CLN8: variants seen among roughly 807,000 people sequenced by gnomAD.
CLN8 encodes protein CLN8.
A neutral mutation model predicts 15.7 loss-of-function variants in CLN8; 14 were observed. The observed-to-expected ratio is 0.89, with a 90% CI of 0.59 to 1.39. The LOEUF is 1.39. CLN8 is among the 40% of genes most tolerant of loss of function. CLN8 has a pLI of 0.00. For missense variants in CLN8, 415 were observed against 364.0 expected (o/e 1.14, Z -1.14); for synonymous variants, 188 against 151.0 (o/e 1.25, Z -1.80).
intron 1 of CLN8, among the ~76,000 whole-genome samples, chr8:1,758,041 A>ATG (rs1563097331): frequency 1.2e-3 from 181 of 151,472 alleles, no homozygotes; most frequent in African/African-American, 4.1e-3. Flanking sequence ...AACACCCAGC[A>ATG]TAGAGATCAC....
At chr8:1,768,664 C>T (rs1383770128) in intron 1 of CLN8, among the ~76,000 whole-genome samples, 2 of 152,082 alleles carry the variant, frequency 1.3e-5, no homozygotes, top group Non-Finnish European at 2.9e-5. Context: ...TGCCTGATAC[C>T]TGTCCTTTCC....
chr8:1,780,144 A>C (rs1413775927), intron 2 of CLN8, 106 bp from the exon 3 acceptor site: 1 of 1,593,586 alleles, frequency 6.3e-7, no homozygotes, highest in Non-Finnish European at 8.5e-7. Flanking sequence ...CTTTGAAATG[A>C]ATTTGTTTTG....
At chr8:1,760,936 T>C (rs926187818), upstream of CLN8, among the ~76,000 whole-genome samples, 1 of 151,816 alleles carries the variant, frequency 6.6e-6, no homozygotes, top group Admixed American at 6.6e-5. Context: ...TGACAAGATC[T>C]AGTACTTGGT....
At chr8:1,770,825 A>G (rs1801267928) in intron 1 of CLN8, 107 bp from the exon 2 acceptor site, 3 of 599,630 alleles carry the variant, frequency 5.0e-6, no homozygotes, top group East Asian at 2.8e-5. Flanking sequence ...TTCATTAAGA[A>G]TAAGGTACAG....
At chr8:1,753,262 T>C (rs902980808), upstream of CLN8, among the ~76,000 whole-genome samples, 1 of 152,072 alleles carries the variant, frequency 6.6e-6, no homozygotes, top group Non-Finnish European at 1.5e-5. Context: ...AGTTCACAGA[T>C]GGTGATTTTG....
Position 1,780,956 on chromosome 8 carries a change from T to C in CLN8, c.*389T>C. On this transcript the variant is annotated 3_prime_UTR_variant, in exon 3 of 3. Coordinates refer to ENST00000331222, the MANE Select transcript of CLN8 (RefSeq NM_018941.4). ...GCGTTGACTCTTTCCAGCTGCACAC[T>C]CATATGCCGTGTGTCTTATTCAGAA... is the stretch of plus-strand genomic sequence containing the variant. 1 of 265,796 alleles carries C rather than the reference T, an allele frequency of 3.8e-6. No homozygotes were observed. The highest frequency in any genetic ancestry group is 7.2e-6 in the Non-Finnish European group (1 of 138,540). 16.5% of individuals were successfully genotyped at this position (265,796 alleles called of 1,614,324 possible). A position where few individuals can be genotyped will look rare whatever the true frequency, so the allele number is the denominator to read the frequency against.
At position 1,763,874 on chromosome 8, in the gene CLN8, G is replaced by C. The variant is rs1800923131; in HGVS notation, c.-135G>C. ...CGCCAAGCGCAGGGAGCCCGGCTGA[G>C]TGGCAGCCCAGGTGAGCGCTCAGGG... On this transcript the variant is annotated 5_prime_UTR_variant, in exon 1 of 3. Transcript: ENST00000331222. 6.6e-6 allele frequency: 1 copy of C among 152,298 alleles called. No individual in the cohort carries two copies. Among genetic ancestry groups the C allele is most frequent in the African/African-American group, 2.4e-5 (1 of 41,248 alleles). 9.4% of individuals were successfully genotyped at this position (152,298 alleles called of 1,614,324 possible).
chr8:1,772,983 G>A (rs1034336504), intron 2 of CLN8: 2 of 398,432 alleles, frequency 5.0e-6, no homozygotes, highest in Non-Finnish European at 8.8e-6. Flanking sequence ...CTTCGGGGTC[G>A]AGGTGGGTAG....
chr8:1,761,012 CTTTTTTTTT>C (rs61327257), upstream of CLN8, among the ~76,000 whole-genome samples: 3 of 67,564 alleles, frequency 4.4e-5, no homozygotes, highest in African/African-American at 6.2e-5. Context: ...CTATAGCCAT[CTTTTTTTTT>C]TTTTTTTTTT....
chr8:1,776,828 C>T (rs1271939570), intron 2 of CLN8, among the ~76,000 whole-genome samples: 1 of 152,210 alleles, frequency 6.6e-6, no homozygotes, highest in Non-Finnish European at 1.5e-5. Flanking sequence ...TTCATTTGGC[C>T]TCAGACTGAG....
At chr8:1,756,158 C>G (rs1800664669) in intron 1 of CLN8, 1 of 152,164 alleles carries the variant, frequency 6.6e-6, no homozygotes, top group African/African-American at 2.4e-5. Context: ...TACTTTGTAA[C>G]ATTCTACCTG....
chr8:1,770,224 T>C (rs1320955635), intron 1 of CLN8, among the ~76,000 whole-genome samples: 2 of 152,236 alleles, frequency 1.3e-5, no homozygotes, highest in East Asian at 3.9e-4. Context: ...GGTAAGATGA[T>C]GCCAACTTGG....
intron 2 of CLN8, among the ~76,000 whole-genome samples, chr8:1,777,575 A>G (rs1192702977): frequency 1.3e-5 from 2 of 152,156 alleles, no homozygotes; most frequent in African/African-American, 4.8e-5. Flanking sequence ...ATATATATAT[A>G]TTCTTTATAC....
At chr8:1,768,933 C>G (rs1469633741) in intron 1 of CLN8, among the ~76,000 whole-genome samples, 1 of 152,166 alleles carries the variant, frequency 6.6e-6, no homozygotes, top group Non-Finnish European at 1.5e-5. Context: ...GTGTGGGTCA[C>G]GAGGGCACAC....
chr8:1,773,703 G>C (rs1306565366), intron 2 of CLN8: 1 of 152,440 alleles, frequency 6.6e-6, no homozygotes, highest in Non-Finnish European at 1.5e-5. Flanking sequence ...TCTGGAGTGA[G>C]ATCAGTGTGG....
upstream of CLN8, chr8:1,763,667 T>G (rs868508832): frequency 6.1e-4 from 57 of 93,772 alleles, no homozygotes; most frequent in Admixed American, 1.8e-3. Context: ...GCCCCGCCCC[T>G]CCCGCGCCCG....
Position 1,783,824 on chromosome 8 carries a change from G to A in CLN8, c.*3257G>A, listed in dbSNP as rs1165276951. 1 of 152,244 alleles carries A rather than the reference G, an allele frequency of 6.6e-6. No individual in the cohort carries two copies. Among genetic ancestry groups the A allele is most frequent in the African/African-American group, 2.4e-5 (1 of 41,462 alleles). The allele number at this position is 152,244 out of a possible 1,614,324, so 9.4% of individuals were successfully genotyped here. On this transcript the variant is annotated 3_prime_UTR_variant, in exon 3 of 3. Transcript: ENST00000331222. The stretch of plus-strand genomic sequence containing the variant: ...TCGAGGAGCTTCGGGGCTCAGAGAG[G>A]TGATGACGTGCCCAAGGTGACGCAA...
chr8:1,777,938 T>G (rs1315501678), intron 2 of CLN8, among the ~76,000 whole-genome samples: 1 of 152,262 alleles, frequency 6.6e-6, no homozygotes, highest in Non-Finnish European at 1.5e-5. Flanking sequence ...TATAATCTTG[T>G]GTGGAACCAC....
chr8:1,755,490 G>T (rs1334414435), upstream of CLN8, among the ~76,000 whole-genome samples: 2 of 152,058 alleles, frequency 1.3e-5, no homozygotes, highest in Non-Finnish European at 2.9e-5. Context: ...AGATACAAGT[G>T]CCTCCCCCCG....
Sources: gnomAD v4.1 joint callset for allele counts (sites outside exome capture counted in the v4.1 genomes callset) on GRCh38, gnomAD v4.1.1 for gene constraint, MANE v1.5 for transcripts, NCBI Gene and HGNC (gene_info 2026-07-23, HGNC 2026-07-21) for gene names.